MARCHF8: variants seen among roughly 807,000 people sequenced by gnomAD.
MARCHF8 encodes membrane associated ring-CH-type finger 8.
MARCHF8 carries 40 observed loss-of-function variants against 51.6 expected under a neutral mutation model. The observed-to-expected ratio is 0.77, with a 90% confidence interval of 0.60 to 1.01. The LOEUF (loss-of-function observed/expected upper bound fraction) is 1.01, where lower values mean the gene tolerates loss of function less well. Among genes scored for constraint, MARCHF8 ranks in the 50% least tolerant of loss-of-function variants. The pLI is 0.00. For missense variants in MARCHF8, 685 were observed against 708.6 expected (o/e 0.97, Z 0.38); for synonymous variants, 263 against 280.3 (o/e 0.94, Z 0.62).
chr10:45,533,102 C>G lies in MARCHF8; in HGVS notation c.102+8G>C. The G allele has an allele frequency of 1.9e-6, 3 of 1,597,458 alleles. No homozygotes were observed. Among genetic ancestry groups the G allele is most frequent in the Non-Finnish European group, 2.6e-6 (3 of 1,174,046 alleles). On this transcript the variant is annotated splice_region_variant and intron_variant, in intron 2 of 7. Transcript: ENST00000453424. The stretch of plus-strand genomic sequence containing the variant: ...ATAATGAAACTAAAAAAGATACTCT[C>G]CCAGTACCTGTTCTTCCCTCTCCTT...
intron 3 of MARCHF8, among the ~76,000 whole-genome samples, chr10:45,476,208 T>G (rs1242968002): frequency 2.0e-5 from 3 of 152,106 alleles, no homozygotes; most frequent in Non-Finnish European, 4.4e-5. Flanking sequence ...TCTCCAGCAA[T>G]AAATTCCAAT....
chr10:45,513,140 T>C (rs1264876891), intron 2 of MARCHF8, among the ~76,000 whole-genome samples: 2 of 151,290 alleles, frequency 1.3e-5, no homozygotes, highest in East Asian at 3.9e-4. Flanking sequence ...TGTTCACTTG[T>C]TTATCTGCTG....
intron 1 of MARCHF8, among the ~76,000 whole-genome samples, chr10:45,583,831 C>A (rs2133429323): frequency 6.6e-6 from 1 of 151,506 alleles, no homozygotes; most frequent in South Asian, 2.1e-4. Flanking sequence ...TGGATAAAAG[C>A]AGTAACAAAA....
In MARCHF8 at chr10:45,457,934, A is replaced by C; in HGVS notation, c.*305T>G. 3.1e-6 allele frequency: 1 copy of C among 325,020 alleles called. No individual in the cohort carries two copies. Among genetic ancestry groups the C allele is most frequent in the Non-Finnish European group, 5.5e-6 (1 of 180,276 alleles). 20.1% of individuals were successfully genotyped at this position (325,020 alleles called of 1,614,324 possible). On this transcript the variant is annotated 3_prime_UTR_variant, in exon 8 of 8. Transcript: ENST00000453424. ...CCCCTGCTCCTCCTCTTCCCTTGGG[A>C]TTGGCATTTTATTCTCTCATTCAGC... is the stretch of plus-strand genomic sequence containing the variant.
chr10:45,545,850 T>C (rs1431395393), intron 1 of MARCHF8, among the ~76,000 whole-genome samples: 1 of 152,128 alleles, frequency 6.6e-6, no homozygotes, highest in Non-Finnish European at 1.5e-5. Flanking sequence ...CCACATCACA[T>C]CTCGCCCTCT....
At chr10:45,544,155 A>G (rs2044091654) in intron 1 of MARCHF8, among the ~76,000 whole-genome samples, 1 of 152,192 alleles carries the variant, frequency 6.6e-6, no homozygotes, top group Non-Finnish European at 1.5e-5. Flanking sequence ...ATGATATACC[A>G]CTATACCCCC....
At chr10:45,510,084 A>G (rs2043468528) in intron 2 of MARCHF8, among the ~76,000 whole-genome samples, 1 of 152,150 alleles carries the variant, frequency 6.6e-6, no homozygotes, top group Non-Finnish European at 1.5e-5. Context: ...AAATTTTTAA[A>G]CAAATTCTAA....
chr10:45,501,353 C>CA (rs2133143735), intron 2 of MARCHF8, among the ~76,000 whole-genome samples: 1 of 152,154 alleles, frequency 6.6e-6, no homozygotes, highest in East Asian at 1.9e-4. Flanking sequence ...TGGAACAAGA[C>CA]AGAGAATCCA....
intron 2 of MARCHF8, among the ~76,000 whole-genome samples, chr10:45,507,873 T>C (rs555724628): frequency 6.6e-6 from 1 of 152,174 alleles, no homozygotes; most frequent in African/African-American, 2.4e-5. Flanking sequence ...AATATTACAC[T>C]GATACAATAC....
intron 2 of MARCHF8, among the ~76,000 whole-genome samples, chr10:45,516,193 T>C (rs1211445082): frequency 1.3e-5 from 2 of 152,194 alleles, no homozygotes; most frequent in Admixed American, 1.3e-4. Context: ...TTCTGCTAAC[T>C]CCCAGTTTCC....
intron 2 of MARCHF8, among the ~76,000 whole-genome samples, chr10:45,512,782 AG>A (rs1040674550): frequency 3.9e-5 from 6 of 152,160 alleles, no homozygotes; most frequent in African/African-American, 7.2e-5. Flanking sequence ...TGGAATAGAA[AG>A]GGGGGAAAGG....
intron 1 of MARCHF8, among the ~76,000 whole-genome samples, chr10:45,569,292 G>A (rs781308689): frequency 1.3e-5 from 2 of 151,978 alleles, no homozygotes; most frequent in African/African-American, 2.4e-5. Flanking sequence ...CCAGTTTTTT[G>A]AGGGTTTTTC....
chr10:45,519,617 T>C (rs556756708), intron 2 of MARCHF8, among the ~76,000 whole-genome samples: 2 of 152,370 alleles, frequency 1.3e-5, no homozygotes, highest in African/African-American at 2.4e-5. Flanking sequence ...AACTGAAATT[T>C]TGATTTCATA....
At position 45,564,378 on chromosome 10, in the gene MARCHF8, C is replaced by T. The variant is rs570213754; in HGVS notation, c.-79+29857G>A. Among the ~76,000 whole-genome samples the T allele has an allele frequency of 1.0e-3, 155 of 152,244 alleles. 1 individual carries two copies. The South Asian group carries it at 0.031, about 30-fold the overall frequency. On this transcript the variant is annotated intron_variant, in intron 1 of 6. Transcript: ENST00000319836. ...TGCACTTTATGATCTTAACAGTAGA[C>T]TGAATATGACACAGTCACTGAACTG...
intron 1 of MARCHF8, among the ~76,000 whole-genome samples, chr10:45,585,246 A>T (rs1181274885): frequency 6.6e-6 from 1 of 152,218 alleles, no homozygotes; most frequent in African/African-American, 2.4e-5. Flanking sequence ...GACCATACAC[A>T]AAGAGAAACT....
At chr10:45,489,460 A>C (rs2043044147) in intron 2 of MARCHF8, 43 bp from the exon 3 acceptor site, 1 of 1,517,742 alleles carries the variant, frequency 6.6e-7, no homozygotes, top group African/African-American at 1.4e-5. Context: ...ATCTTTGATT[A>C]AAATATGCAA....
At chr10:45,513,084 C>G (rs2043559097) in intron 2 of MARCHF8, among the ~76,000 whole-genome samples, 1 of 151,432 alleles carries the variant, frequency 6.6e-6, no homozygotes, top group Non-Finnish European at 1.5e-5. Flanking sequence ...GACACAAACA[C>G]TGCGGAAGGC....
intron 2 of MARCHF8, among the ~76,000 whole-genome samples, chr10:45,504,071 T>C (rs530130245): frequency 3.7e-4 from 57 of 152,284 alleles, no homozygotes; most frequent in African/African-American, 9.6e-4. Context: ...TACAACCTTA[T>C]GAATACACTA....
intron 2 of MARCHF8, among the ~76,000 whole-genome samples, chr10:45,497,653 C>A (rs1314802420): frequency 6.6e-6 from 1 of 151,672 alleles, no homozygotes; most frequent in African/African-American, 2.4e-5. Flanking sequence ...TTCACAAATG[C>A]GGAAATTAAA....
Sources: allele counts gnomAD v4.1 joint callset (sites outside exome capture counted in the v4.1 genomes callset), GRCh38; gene constraint gnomAD v4.1.1; transcripts MANE v1.5; gene names NCBI Gene and HGNC (gene_info 2026-07-23, HGNC 2026-07-21).